ICA1: variants seen among roughly 807,000 people sequenced by gnomAD.
The protein encoded by ICA1 is 69 kDa islet cell autoantigen.
Under a neutral mutation model 71.0 loss-of-function variants are expected in ICA1, and 40 were observed. The observed-to-expected ratio is 0.56, with a 90% confidence interval of 0.44 to 0.73. ICA1 has a LOEUF of 0.73. Among genes scored for constraint, ICA1 ranks in the 30% least tolerant of loss-of-function variants. ICA1 has a pLI of 0.00. For synonymous variants in ICA1, 207 were observed against 209.5 expected, an observed-to-expected ratio of 0.99 and a Z score of 0.10; for missense variants, 578 against 576.5, an observed-to-expected ratio of 1.00 and a Z score of -0.03.
At chr7:8,157,258 G>C (rs202054009) in intron 7 of ICA1, 44 bp from the exon 8 acceptor site, 42 of 1,521,304 alleles carry the variant, frequency 2.8e-5, no homozygotes, top group Non-Finnish European at 3.7e-5. Context: ...TGAATGCCCA[G>C]TTCTAGTCCT....
chr7:8,228,232 G>A (rs1344403597), intron 4 of ICA1, among the ~76,000 whole-genome samples: 2 of 152,088 alleles, frequency 1.3e-5, no homozygotes, highest in African/African-American at 4.8e-5. Context: ...TCAACTGTAT[G>A]TGCCTTCTGT....
At chr7:8,235,632 A>G (rs1178832988) in intron 2 of ICA1, among the ~76,000 whole-genome samples, 2 of 152,244 alleles carry the variant, frequency 1.3e-5, no homozygotes, top group Non-Finnish European at 2.9e-5. Flanking sequence ...ATTAGACAAA[A>G]TGGTGGTAAG....
chr7:8,136,829 C>G (rs988936691), intron 12 of ICA1, among the ~76,000 whole-genome samples: 3 of 152,190 alleles, frequency 2.0e-5, no homozygotes, highest in Non-Finnish European at 4.4e-5. Context: ...AAGATCCTAA[C>G]TATAAACCAA....
intron 1 of ICA1, among the ~76,000 whole-genome samples, chr7:8,241,668 C>A (rs1170990148): frequency 6.6e-6 from 1 of 152,054 alleles, no homozygotes; most frequent in Admixed American, 6.5e-5. Context: ...TTCAGGAGAC[C>A]CATCTCACAG....
chr7:8,180,560 C>T (rs936929450), intron 6 of ICA1, among the ~76,000 whole-genome samples: 10 of 152,108 alleles, frequency 6.6e-5, no homozygotes, highest in African/African-American at 2.4e-4. Context: ...TTTTAGTAGA[C>T]AATGTCAGTT....
intron 10 of ICA1, among the ~76,000 whole-genome samples, chr7:8,140,778 T>TTTG (rs944631618): frequency 1.3e-5 from 2 of 152,094 alleles, no homozygotes; most frequent in Middle Eastern, 3.2e-3. Flanking sequence ...AAGTGAGTCT[T>TTTG]TTGTTGTTGT....
rs549907977 is a variant in ICA1 at position 8,149,136 on chromosome 7, C to T, written c.805-5164G>A. Among the ~76,000 whole-genome samples, 289 of 152,302 alleles carry T rather than the reference C, an allele frequency of 1.9e-3. 2 individuals carry two copies. The highest frequency in any genetic ancestry group is 6.4e-3 in the African/African-American group (268 of 41,564). On this transcript the variant is annotated intron_variant, in intron 8 of 13. Transcript: ENST00000402384. ...AGAGGCCTCTCTGACTATGTATAGA[C>T]GAGGCAGCCATCAGATGAACCATTA...
intron 6 of ICA1, among the ~76,000 whole-genome samples, chr7:8,181,077 C>T (rs969127783): frequency 5.9e-5 from 9 of 151,972 alleles, no homozygotes; most frequent in Non-Finnish European, 1.3e-4. Flanking sequence ...GAGATATTTA[C>T]CTATGTTTTG....
At position 8,130,275 on chromosome 7, in the gene ICA1, G is replaced by A. The variant is rs116336553; in HGVS notation, c.1061-2133C>T. Among the ~76,000 whole-genome samples the A allele has an allele frequency of 5.7e-3, 868 of 152,316 alleles. 7 individuals are homozygous for A. Among genetic ancestry groups the A allele is most frequent in the African/African-American group, 0.019 (797 of 41,562 alleles). ...GTGTGATATTAACAGGGTAGTTCAG[G>A]AACCACTTGAGCCTGCACATGGTGG... On this transcript the variant is annotated intron_variant, in intron 12 of 13. Coordinates refer to ENST00000402384, the MANE Select transcript of ICA1 (RefSeq NM_001136020.3). This position sits in a 1 kb window ranked among gnomAD's most constrained non-coding sequence, Gnocchi z 4.2.
In ICA1 at chr7:8,173,458, A is replaced by T. The variant is rs1405596353; in HGVS notation, c.580-14806T>A. On this transcript the variant is annotated intron_variant, in intron 6 of 13. Transcript: ENST00000402384. This position sits in a 1 kb window ranked among gnomAD's most constrained non-coding sequence, Gnocchi z 4.0. Reference sequence around the variant, plus strand: ...TGAACAAATCAACAGAAAAACAAACAAACAAAACCCTCACTGGGCACCTGT... The same window carrying T: ...TGAACAAATCAACAGAAAAACAAACTAACAAAACCCTCACTGGGCACCTGT... Among the ~76,000 whole-genome samples the T allele has an allele frequency of 6.6e-6, 1 of 152,212 alleles. No individual in the cohort carries two copies. The highest frequency in any genetic ancestry group is 1.5e-5 in the Non-Finnish European group (1 of 68,038).
chr7:8,213,896 A>T (rs561918357), intron 6 of ICA1, among the ~76,000 whole-genome samples: 7 of 152,138 alleles, frequency 4.6e-5, no homozygotes, highest in Non-Finnish European at 8.8e-5. Flanking sequence ...AAAACCTAAC[A>T]CTATTTTAAA....
intron 6 of ICA1, among the ~76,000 whole-genome samples, chr7:8,184,511 C>T (rs1000387274): frequency 2.0e-5 from 3 of 152,140 alleles, no homozygotes; most frequent in Non-Finnish European, 4.4e-5. Context: ...AGGAAATTTG[C>T]TCTAACCATG....
At chr7:8,231,490 C>A (rs1385419654) in intron 3 of ICA1, among the ~76,000 whole-genome samples, 1 of 152,108 alleles carries the variant, frequency 6.6e-6, no homozygotes, top group African/African-American at 2.4e-5. Context: ...TAAACCTTAG[C>A]CATCACTCTG....
chr7:8,152,942 CTCT>C (rs1216546817), intron 8 of ICA1, among the ~76,000 whole-genome samples: 5 of 152,090 alleles, frequency 3.3e-5, no homozygotes, highest in African/African-American at 1.2e-4. Context: ...CCACCATCAC[CTCT>C]TCCACCACTA....
At chr7:8,125,390 G>C (rs1043160525) in intron 13 of ICA1, among the ~76,000 whole-genome samples, 3 of 152,166 alleles carry the variant, frequency 2.0e-5, no homozygotes, top group African/African-American at 7.2e-5. Flanking sequence ...CCTCACCTTA[G>C]GGCATTGGCA....
chr7:8,194,973 T>G lies in ICA1; in HGVS notation c.579+23332A>C, dbSNP rs1048624302. Reference sequence around the variant, plus strand: ...TGGAAGAAAATATTTACAAAAGACATGTATGATAAAGGACATGCTATTCAA... The same window carrying G: ...TGGAAGAAAATATTTACAAAAGACAGGTATGATAAAGGACATGCTATTCAA... On this transcript the variant is annotated intron_variant, in intron 6 of 13. Coordinates refer to ENST00000402384, the MANE Select transcript of ICA1 (RefSeq NM_001136020.3). Among the ~76,000 whole-genome samples the G allele has an allele frequency of 3.9e-5, 6 of 152,196 alleles. 1 individual carries two copies. The highest frequency in any genetic ancestry group is 3.9e-4 in the Admixed American group (6 of 15,284).
chr7:8,194,344 TAC>T (rs2128307649), intron 6 of ICA1, among the ~76,000 whole-genome samples: 1 of 152,348 alleles, frequency 6.6e-6, no homozygotes, highest in East Asian at 1.9e-4. Flanking sequence ...AAAAATAAAT[TAC>T]TTTTTACAAA....
intron 12 of ICA1, among the ~76,000 whole-genome samples, chr7:8,136,229 C>T (rs138922153): frequency 2.0e-5 from 3 of 152,244 alleles, no homozygotes; most frequent in African/African-American, 7.2e-5. Flanking sequence ...CATTGTACCA[C>T]GGCTTAGCCA....
intron 6 of ICA1, among the ~76,000 whole-genome samples, chr7:8,164,000 G>C (rs970664140): frequency 1.4e-4 from 21 of 152,090 alleles, no homozygotes; most frequent in Non-Finnish European, 2.4e-4. Context: ...GAAGGAGAGA[G>C]TTGAAGGTAG....
Sources: allele counts gnomAD v4.1 joint callset (sites outside exome capture counted in the v4.1 genomes callset), GRCh38; gene constraint gnomAD v4.1.1; non-coding constraint Gnocchi (gnomAD v3.1); transcripts MANE v1.5; gene names NCBI Gene and HGNC (gene_info 2026-07-23, HGNC 2026-07-21).